The following LIMK2 variants were observed in gnomAD, a reference collection of about 807,000 sequenced individuals.
The protein encoded by LIMK2 is LIM domain kinase 2.
A neutral mutation model predicts 75.7 loss-of-function variants in LIMK2; 35 were observed. That is an observed-to-expected ratio of 0.46 (90% CI 0.35 to 0.61). The LOEUF (loss-of-function observed/expected upper bound fraction) is 0.61. LIMK2 is among the 20% of genes least tolerant of loss of function. The probability of loss-of-function intolerance (pLI) is 0.00; values close to 1 mark genes in which losing one functional copy is unlikely to be tolerated. For synonymous variants in LIMK2, 301 were observed against 319.2 expected (o/e 0.94, Z 0.61); for missense variants, 623 against 831.0 (o/e 0.75, Z 3.08).
At chr22:31,221,084 T>C (rs537894399) in intron 1 of LIMK2, among the ~76,000 whole-genome samples, 86 of 151,846 alleles carry the variant, frequency 5.7e-4, no homozygotes, top group African/African-American at 8.9e-4. Context: ...GAATAGAAAA[T>C]AGGTCAAAAT....
intron 2 of LIMK2, among the ~76,000 whole-genome samples, chr22:31,256,700 A>G (rs1405780467): frequency 1.3e-5 from 2 of 152,174 alleles, no homozygotes; most frequent in East Asian, 3.8e-4. Flanking sequence ...CATTTTATAG[A>G]TGAGGAAACT....
At chr22:31,215,471 C>T (rs570975509) in intron 1 of LIMK2, among the ~76,000 whole-genome samples, 299 of 152,212 alleles carry the variant, frequency 2.0e-3, no homozygotes, top group Middle Eastern at 0.017. Context: ...TGTATAGTCT[C>T]CTTGTTTTAC....
chr22:31,253,664 A>C (rs1359772479), intron 2 of LIMK2, among the ~76,000 whole-genome samples: 1 of 152,246 alleles, frequency 6.6e-6, no homozygotes, highest in Non-Finnish European at 1.5e-5. Context: ...GTGGCTTTGC[A>C]GCCAAGCACA....
chr22:31,220,992 G>A (rs1285021636), intron 1 of LIMK2, among the ~76,000 whole-genome samples: 1 of 152,048 alleles, frequency 6.6e-6, no homozygotes, highest in East Asian at 1.9e-4. Context: ...TTTTGATTAA[G>A]GGAAAAGATA....
At chr22:31,244,909 C>T (rs2048654247) in intron 2 of LIMK2, among the ~76,000 whole-genome samples, 1 of 152,192 alleles carries the variant, frequency 6.6e-6, no homozygotes, top group Non-Finnish European at 1.5e-5. Flanking sequence ...AGTCTGGGTT[C>T]AAATCCTGGC....
intron 2 of LIMK2, among the ~76,000 whole-genome samples, chr22:31,237,152 TC>T (rs2048584374): frequency 6.7e-6 from 1 of 149,156 alleles, no homozygotes; most frequent in African/African-American, 2.5e-5. Context: ...TCCCTGCTAC[TC>T]AGGAGGCTGA....
At chr22:31,250,645 C>T (rs2048716176) in intron 2 of LIMK2, among the ~76,000 whole-genome samples, 1 of 152,224 alleles carries the variant, frequency 6.6e-6, no homozygotes, top group South Asian at 2.1e-4. Flanking sequence ...ACACAGGGCT[C>T]TTTCCCCCCA....
At chr22:31,240,623 C>T (rs1039050142) in intron 2 of LIMK2, among the ~76,000 whole-genome samples, 15 of 151,964 alleles carry the variant, frequency 9.9e-5, no homozygotes, top group Admixed American at 5.9e-4. Context: ...GGGGTTTCAC[C>T]GTGTTGGCCA....
At chr22:31,213,137 C>T (rs866828937) in intron 1 of LIMK2, among the ~76,000 whole-genome samples, 8 of 152,096 alleles carry the variant, frequency 5.3e-5, no homozygotes, top group South Asian at 4.1e-4. Flanking sequence ...TGTGGAAGCT[C>T]CCTTGGCCTC....
At chr22:31,238,723 C>T (rs1005580829) in intron 2 of LIMK2, among the ~76,000 whole-genome samples, 15 of 152,204 alleles carry the variant, frequency 9.9e-5, no homozygotes, top group Non-Finnish European at 2.1e-4. Context: ...GCTCACCTAA[C>T]TCCTTCCTTT....
intron 8 of LIMK2, 72 bp downstream of exon 8, chr22:31,266,204 A>G (rs1236289338): frequency 9.6e-6 from 14 of 1,454,126 alleles, no homozygotes; most frequent in Non-Finnish European, 1.3e-5. Context: ...GGGATTTCTC[A>G]TCACTTGGCC....
At chr22:31,270,040 A>G (rs2413047) in intron 11 of LIMK2, among the ~76,000 whole-genome samples, 120,033 of 151,902 alleles carry the variant, frequency 0.79, 48,397 homozygotes, top group African/African-American at 0.95. Context: ...GGGGATAGCC[A>G]TGATTGTTGA....
At position 31,278,324 on chromosome 22, in the gene LIMK2, C is replaced by T. The variant is rs1355963134; in HGVS notation, c.1800C>T (p.Ser600=). 15 of 1,613,460 alleles carry T rather than the reference C, an allele frequency of 9.3e-6. No homozygotes were observed. Among genetic ancestry groups the T allele is most frequent in the Admixed American group, 5.0e-5 (3 of 59,904 alleles). Residue 600 remains serine (S), a synonymous_variant, in exon 16 of 16, where the codon TCC becomes TCT. Coordinates refer to ENST00000331728, the MANE Select transcript of LIMK2 (RefSeq NM_005569.4). Reference sequence around the variant, plus strand: ...CAGCATTCTCGAAATTGGAGGACTCCTTTGAGGCCCTCTCCCTGTACCTGG... The same window carrying T: ...CAGCATTCTCGAAATTGGAGGACTCTTTTGAGGCCCTCTCCCTGTACCTGG... ...SRPAFSKLED[S]FEALSLYLGE... is the part of the protein sequence containing the mutation.
chr22:31,216,847 A>G (rs1391755892), intron 1 of LIMK2, among the ~76,000 whole-genome samples: 1 of 152,174 alleles, frequency 6.6e-6, no homozygotes, highest in Non-Finnish European at 1.5e-5. Context: ...CATCACACAC[A>G]TCTCATTTCA....
At chr22:31,278,229 T>C in intron 15 of LIMK2, 68 bp from the exon 16 acceptor site, 1 of 1,410,856 alleles carries the variant, frequency 7.1e-7, no homozygotes. Flanking sequence ...TGAGCCTAGA[T>C]CCCTTCCACC....
chr22:31,212,760 C>T (rs1164504589), intron 1 of LIMK2, among the ~76,000 whole-genome samples: 1 of 152,088 alleles, frequency 6.6e-6, no homozygotes, highest in Non-Finnish European at 1.5e-5. Context: ...GCCGCAGACC[C>T]CCAAATTAAC....
At chr22:31,251,973 G>A (rs1290938371) in intron 2 of LIMK2, among the ~76,000 whole-genome samples, 1 of 152,212 alleles carries the variant, frequency 6.6e-6, no homozygotes, top group Non-Finnish European at 1.5e-5. Context: ...TTCACTGGGA[G>A]GTTAAGGGAT....
chr22:31,258,443 A>C lies in LIMK2; in HGVS notation c.252+17A>C, dbSNP rs746147026. ...CCTTTTATGGTGAGTGAATCCCTTC[A>C]TATCTGCCCCTCTTGGTCTTCAGAG... On this transcript the variant is annotated intron_variant, in intron 3 of 15. Coordinates refer to ENST00000331728, the MANE Select transcript of LIMK2 (RefSeq NM_005569.4). 1 of 1,613,722 alleles carries C rather than the reference A, an allele frequency of 6.2e-7. No homozygotes were observed.
intron 2 of LIMK2, among the ~76,000 whole-genome samples, chr22:31,239,806 T>C (rs952686362): frequency 6.6e-6 from 1 of 152,178 alleles, no homozygotes; most frequent in Non-Finnish European, 1.5e-5. Flanking sequence ...GTTTGCTGGG[T>C]GAATGATGTA....
Sources: allele counts gnomAD v4.1 joint callset (sites outside exome capture counted in the v4.1 genomes callset), GRCh38; gene constraint gnomAD v4.1.1; transcripts MANE v1.5; gene names NCBI Gene and HGNC (gene_info 2026-07-23, HGNC 2026-07-21).